Variants in ROBO1 observed in about 807,000 individuals in gnomAD.
ROBO1 encodes the protein roundabout homolog 1.
Under a neutral mutation model 195.9 loss-of-function variants are expected in ROBO1, and 149 were observed. The ratio of observed to expected loss-of-function variants is 0.76; its 90% CI spans 0.67 to 0.87. ROBO1 has a LOEUF of 0.87. Ranked by LOEUF, ROBO1 falls within the 40% of genes least tolerant of loss-of-function variation. The pLI is 0.00. For synonymous variants in ROBO1, 816 were observed against 733.2 expected, an observed-to-expected ratio of 1.11 and a Z score of -1.82; for missense variants, 1,933 against 2,068.3, an observed-to-expected ratio of 0.93 and a Z score of 1.27.
rs146539447 is a variant in ROBO1 at position 78,758,258 on chromosome 3, G to T, written c.500-11358C>A. ...TTCCTCACTGGGGGCAGTGGCTCAC[G>T]CCTGTAATCCCTGCATTTGGGAGGC... On this transcript the variant is annotated intron_variant, in intron 4 of 30. Coordinates refer to ENST00000464233, the MANE Select transcript of ROBO1 (RefSeq NM_002941.4). Among the ~76,000 whole-genome samples the T allele has an allele frequency of 4.6e-5, 7 of 152,166 alleles. No individual in the cohort carries two copies. In the East Asian group the frequency reaches 9.7e-4, roughly 21 times the overall value.
chr3:79,573,475 T>G (rs560948667), intron 2 of ROBO1, among the ~76,000 whole-genome samples: 1 of 152,296 alleles, frequency 6.6e-6, no homozygotes, highest in South Asian at 2.1e-4. Context: ...ATGACAGTCT[T>G]CAATTATATT....
chr3:79,600,348 GT>G (rs1191317794), intron 1 of ROBO1, among the ~76,000 whole-genome samples: 1 of 151,972 alleles, frequency 6.6e-6, no homozygotes, highest in Non-Finnish European at 1.5e-5. Flanking sequence ...TTGAACATTG[GT>G]TTGGTCGAAG....
intron 3 of ROBO1, among the ~76,000 whole-genome samples, chr3:79,106,904 C>T (rs1427148558): frequency 6.6e-6 from 1 of 151,516 alleles, no homozygotes; most frequent in East Asian, 1.9e-4. Context: ...TTCAAATATT[C>T]CTCCCTACTT....
At chr3:78,646,055 A>T in intron 21 of ROBO1, 93 bp downstream of exon 21, 2 of 1,122,062 alleles carry the variant, frequency 1.8e-6, no homozygotes, top group Non-Finnish European at 2.7e-6. Context: ...CCTTTAAGTT[A>T]GACTTTTTAA....
At chr3:78,908,240 C>T (rs945377036) in intron 4 of ROBO1, among the ~76,000 whole-genome samples, 5 of 151,826 alleles carry the variant, frequency 3.3e-5, no homozygotes, top group Admixed American at 2.6e-4. Flanking sequence ...CACAACACTC[C>T]CTTATTCAAT....
At chr3:79,481,548 C>T (rs992203670) in intron 2 of ROBO1, among the ~76,000 whole-genome samples, 4 of 152,128 alleles carry the variant, frequency 2.6e-5, no homozygotes, top group African/African-American at 9.7e-5. Context: ...TATCAACCAG[C>T]TTGACCTGCT....
intron 21 of ROBO1, among the ~76,000 whole-genome samples, chr3:78,644,314 T>G (rs1313496314): frequency 6.6e-6 from 1 of 152,134 alleles, no homozygotes; most frequent in African/African-American, 2.4e-5. Context: ...GCCACTATAA[T>G]GTAAGGTCTG....
At chr3:79,433,940 T>A (rs954808410) in intron 2 of ROBO1, among the ~76,000 whole-genome samples, 9 of 151,698 alleles carry the variant, frequency 5.9e-5, no homozygotes, top group Admixed American at 2.0e-4. Flanking sequence ...AACCATCTGA[T>A]CTTTGACAAA....
intron 4 of ROBO1, among the ~76,000 whole-genome samples, chr3:78,861,029 T>C (rs1442456868): frequency 6.6e-6 from 1 of 152,212 alleles, no homozygotes; most frequent in Non-Finnish European, 1.5e-5. Flanking sequence ...ACCCATTCTT[T>C]TGTCTCAACT....
intron 2 of ROBO1, among the ~76,000 whole-genome samples, chr3:79,516,803 T>C (rs1462513014): frequency 6.6e-6 from 1 of 152,198 alleles, no homozygotes; most frequent in Non-Finnish European, 1.5e-5. Flanking sequence ...AATTCACATG[T>C]ATTTGAATTT....
At chr3:79,751,251 C>T (rs761356069) in intron 1 of ROBO1, among the ~76,000 whole-genome samples, 4 of 152,142 alleles carry the variant, frequency 2.6e-5, no homozygotes, top group African/African-American at 9.7e-5. Flanking sequence ...ATTAAATACA[C>T]ATTTTACATA....
chr3:79,766,051 T>C (rs1430165818), intron 1 of ROBO1, among the ~76,000 whole-genome samples: 1 of 151,934 alleles, frequency 6.6e-6, no homozygotes, highest in African/African-American at 2.4e-5. Context: ...AGGTCAGGGT[T>C]AAACTACCCT....
intron 2 of ROBO1, among the ~76,000 whole-genome samples, chr3:79,317,633 C>G (rs572020025): frequency 6.6e-6 from 1 of 151,990 alleles, no homozygotes; most frequent in Admixed American, 6.6e-5. Flanking sequence ...TTGATTATAA[C>G]GTCTAATGTT....
intron 2 of ROBO1, among the ~76,000 whole-genome samples, chr3:79,301,093 T>A (rs2109060541): frequency 6.6e-6 from 1 of 152,166 alleles, no homozygotes; most frequent in Non-Finnish European, 1.5e-5. Flanking sequence ...GTTCTTTCGC[T>A]CTTTGCAATA....
At chr3:79,003,997 T>C (rs2077565101) in intron 3 of ROBO1, among the ~76,000 whole-genome samples, 1 of 152,150 alleles carries the variant, frequency 6.6e-6, no homozygotes. Flanking sequence ...GACATGTTTT[T>C]CTCCTGCACT....
At chr3:78,761,276 A>C (rs1296360738) in intron 4 of ROBO1, among the ~76,000 whole-genome samples, 1 of 152,132 alleles carries the variant, frequency 6.6e-6, no homozygotes. Flanking sequence ...AAAAAAATAC[A>C]AAGATGTTTC....
Position 78,871,609 on chromosome 3 carries a change from ATTATAC to A in ROBO1, c.499+66986_499+66991del, listed in dbSNP as rs200299866. On this transcript the variant is annotated intron_variant, in intron 4 of 30. Transcript: ENST00000464233. ...GCTACTTTTGCACAATTTTCTTTGT[ATTATAC>A]TTATATTTTTCTAATTCTGTTTTTA... Among the ~76,000 whole-genome samples, 459 of 152,164 alleles carry A rather than the reference ATTATAC, an allele frequency of 3.0e-3. 6 individuals carry two copies. The highest frequency in any genetic ancestry group is 0.01 in the African/African-American group (423 of 41,532).
chr3:79,696,627 C>T (rs1947457677), intron 1 of ROBO1, among the ~76,000 whole-genome samples: 1 of 151,016 alleles, frequency 6.6e-6, no homozygotes. Flanking sequence ...ATCATGATAT[C>T]TGAAATACTT....
At chr3:78,743,865 G>A (rs1191262567) in intron 5 of ROBO1, among the ~76,000 whole-genome samples, 2 of 152,108 alleles carry the variant, frequency 1.3e-5, no homozygotes, top group Non-Finnish European at 2.9e-5. Context: ...AACCCATGAA[G>A]CTGAAAAAGT....
Sources: gnomAD v4.1 joint callset for allele counts (sites outside exome capture counted in the v4.1 genomes callset) on GRCh38, gnomAD v4.1.1 for gene constraint, MANE v1.5 for transcripts, NCBI Gene and HGNC (gene_info 2026-07-23, HGNC 2026-07-21) for gene names.